The following SPTBN1 variants were observed in gnomAD, a reference collection of about 807,000 sequenced individuals.
SPTBN1 encodes spectrin beta chain, non-erythrocytic 1.
Under a neutral mutation model 266.4 loss-of-function variants are expected in SPTBN1, and 32 were observed. The ratio of observed to expected loss-of-function variants is 0.12; its 90% CI spans 0.09 to 0.16. SPTBN1 has a LOEUF of 0.16. SPTBN1 is among the 10% of genes least tolerant of loss of function. SPTBN1 has a pLI of 1.00. For synonymous variants in SPTBN1, 1,336 were observed against 1,162.2 expected (o/e 1.15, Z -3.04); for missense variants, 2,296 against 3,067.1 (o/e 0.75, Z 5.94).
intron 32 of SPTBN1, chr2:54,661,050 C>G (rs1049894243): frequency 4.6e-5 from 45 of 985,276 alleles, no homozygotes; most frequent in Non-Finnish European, 5.1e-5. Context: ...CTCGCATGCC[C>G]CCTGGCTTCA....
chr2:54,586,670 C>G (rs1240825996), intron 2 of SPTBN1, among the ~76,000 whole-genome samples: 1 of 152,172 alleles, frequency 6.6e-6, no homozygotes, highest in African/African-American at 2.4e-5. Flanking sequence ...TTTTGACTCC[C>G]CCTCTTTCTG....
At chr2:54,534,485 G>A (rs1671476655) in intron 2 of SPTBN1, among the ~76,000 whole-genome samples, 1 of 152,174 alleles carries the variant, frequency 6.6e-6, no homozygotes, top group Non-Finnish European at 1.5e-5. Context: ...GAAAGCTATT[G>A]AGAGAAAGTC....
In SPTBN1 at chr2:54,631,509, C is replaced by T. The variant is rs140402244; in HGVS notation, c.3462C>T (p.Leu1154=). Reference sequence around the variant, plus strand: ...CCCTGGACACTGGATGGAACGAGCTCCACAAGATGTGGGAGAACAGACAAA... The same window carrying T: ...CCCTGGACACTGGATGGAACGAGCTTCACAAGATGTGGGAGAACAGACAAA... The part of the protein sequence containing the change: ...LQALDTGWNE[L]HKMWENRQNL... Residue 1154 remains leucine (L), a synonymous_variant, in exon 16 of 36, where the codon CTC becomes CTT. Coordinates refer to ENST00000356805, the MANE Select transcript of SPTBN1 (RefSeq NM_003128.3). 1.9e-6 allele frequency: 3 copies of T among 1,614,092 alleles called. No homozygotes were observed. The African/African-American group carries it at 4.0e-5, about 22-fold the overall frequency.
intron 2 of SPTBN1, among the ~76,000 whole-genome samples, chr2:54,585,841 T>A (rs991569544): frequency 5.3e-5 from 8 of 152,154 alleles, no homozygotes; most frequent in African/African-American, 1.9e-4. Context: ...TGTTGGGTAT[T>A]AGTGTTCTGC....
intron 2 of SPTBN1, among the ~76,000 whole-genome samples, chr2:54,536,290 C>G (rs1352761243): frequency 4.6e-5 from 7 of 152,134 alleles, no homozygotes; most frequent in Admixed American, 4.6e-4. Context: ...AAAACATGTC[C>G]CATGATAAAA....
chr2:54,492,341 G>GTTTTTTGT (rs1668730933), intron 1 of SPTBN1, among the ~76,000 whole-genome samples: 1 of 88,392 alleles, frequency 1.1e-5, no homozygotes, highest in African/African-American at 4.1e-5. Flanking sequence ...GTCTGCAGTT[G>GTTTTTTGT]TTTTTTTGTT....
intron 1 of SPTBN1, among the ~76,000 whole-genome samples, chr2:54,502,368 T>C (rs1295355305): frequency 1.3e-5 from 2 of 152,030 alleles, no homozygotes; most frequent in African/African-American, 4.8e-5. Flanking sequence ...GTCAGAGTGG[T>C]TGCACTTTAC....
intron 1 of SPTBN1, among the ~76,000 whole-genome samples, chr2:54,488,243 C>T (rs932278200): frequency 6.6e-6 from 1 of 152,110 alleles, no homozygotes; most frequent in African/African-American, 2.4e-5. Flanking sequence ...GCCTTACCGT[C>T]ATGCCTCAAT....
chr2:54,594,774 A>G lies in SPTBN1; in HGVS notation c.149-4318A>G, dbSNP rs1407003109. 3.3e-5 allele frequency among the ~76,000 whole-genome samples: 5 copies of G among 151,478 alleles called. No individual in the cohort carries two copies. The South Asian group carries it at 1.0e-3, about 31-fold the overall frequency. ...TTTTTGAAAGAGAAGTGATTTACAT[A>G]ACTTCTAAATCTTGTTCAGTCCTGA... On this transcript the variant is annotated intron_variant, in intron 2 of 35. Transcript: ENST00000356805.
At chr2:54,467,757 C>T (rs1342910513) in intron 1 of SPTBN1, among the ~76,000 whole-genome samples, 2 of 151,812 alleles carry the variant, frequency 1.3e-5, no homozygotes, top group Non-Finnish European at 2.9e-5. Context: ...ACCTTAGAAT[C>T]CCTGATTTTT....
intron 1 of SPTBN1, among the ~76,000 whole-genome samples, chr2:54,489,496 T>G (rs539250250): frequency 2.4e-4 from 37 of 151,368 alleles, no homozygotes; most frequent in African/African-American, 8.0e-4. Flanking sequence ...AGGCCAGGAG[T>G]TTGAGACCAG....
intron 2 of SPTBN1, among the ~76,000 whole-genome samples, chr2:54,573,194 A>T (rs2104531976): frequency 6.6e-6 from 1 of 152,304 alleles, no homozygotes; most frequent in East Asian, 1.9e-4. Context: ...GAGGAAAGTG[A>T]TGCACAGGTC....
intron 2 of SPTBN1, among the ~76,000 whole-genome samples, chr2:54,566,997 G>C (rs1376062931): frequency 1.3e-5 from 2 of 152,166 alleles, no homozygotes; most frequent in Admixed American, 1.3e-4. Context: ...TGCTCTTTTG[G>C]TATTCTACTT....
intron 16 of SPTBN1, among the ~76,000 whole-genome samples, chr2:54,631,993 C>A (rs1572715679): frequency 6.6e-6 from 1 of 150,918 alleles, no homozygotes; most frequent in African/African-American, 2.4e-5. Context: ...AGGAGAATCA[C>A]TTGAGCCCAG....
At chr2:54,637,596 T>A in intron 17 of SPTBN1, 117 bp from the exon 18 acceptor site, 1 of 799,380 alleles carries the variant, frequency 1.3e-6, no homozygotes, top group South Asian at 1.8e-5. Context: ...TATTGAGAAC[T>A]GCAAGCAAAC....
At chr2:54,578,805 G>A (rs1674677930) in intron 2 of SPTBN1, among the ~76,000 whole-genome samples, 1 of 151,668 alleles carries the variant, frequency 6.6e-6, no homozygotes, top group South Asian at 2.1e-4. Context: ...GTGTGTGTAT[G>A]ATGCTACTTC....
rs890733615 is a variant in SPTBN1, at chr2:54,628,659, G to T, written c.1799-274G>T. ...TTTCTAGAAACAATTATATGCAGCT[G>T]CCTTTTTCATATGATTCAAGTGCTT... On this transcript the variant is annotated intron_variant, in intron 13 of 35. Coordinates refer to ENST00000356805, the MANE Select transcript of SPTBN1 (RefSeq NM_003128.3). This position sits in a 1 kb window ranked among gnomAD's most constrained non-coding sequence, Gnocchi z 4.3. Among the ~76,000 whole-genome samples the T allele has an allele frequency of 6.6e-6, 1 of 152,166 alleles. No homozygotes were observed. The highest frequency in any genetic ancestry group is 1.5e-5 in the Non-Finnish European group (1 of 68,030).
intron 1 of SPTBN1, among the ~76,000 whole-genome samples, chr2:54,524,440 C>T (rs916031913): frequency 5.3e-5 from 8 of 152,108 alleles, no homozygotes; most frequent in Admixed American, 2.0e-4. Context: ...CTCAATGTCT[C>T]GGGTCTAGTC....
intron 31 of SPTBN1, among the ~76,000 whole-genome samples, chr2:54,659,557 A>G (rs1038002721): frequency 1.3e-5 from 2 of 152,086 alleles, no homozygotes; most frequent in Admixed American, 1.3e-4. Context: ...GATTAAATGC[A>G]TGGAGTGAAC....
Sources: gnomAD v4.1 joint callset for allele counts (sites outside exome capture counted in the v4.1 genomes callset) on GRCh38, gnomAD v4.1.1 for gene constraint, Gnocchi (gnomAD v3.1) non-coding constraint, MANE v1.5 for transcripts, NCBI Gene and HGNC (gene_info 2026-07-23, HGNC 2026-07-21) for gene names.